Variants in DNAJC15 observed in about 807,000 individuals in gnomAD.
DNAJC15 encodes DnaJ heat shock protein family (Hsp40) member C15.
In DNAJC15, 27 loss-of-function variants were observed where a neutral mutation model predicts 22.4. The observed-to-expected ratio is 1.20, with a 90% CI of 0.89 to 1.66. DNAJC15 has a LOEUF of 1.66. Among genes scored for constraint, DNAJC15 ranks in the 40% most tolerant of loss-of-function variants. DNAJC15 has a pLI of 0.00. For missense variants in DNAJC15, 208 were observed against 187.1 expected, an observed-to-expected ratio of 1.11 and a Z score of -0.65; for synonymous variants, 79 against 63.2, an observed-to-expected ratio of 1.25 and a Z score of -1.19.
Position 43,100,315 on chromosome 13 carries a change from C to T in DNAJC15, c.383-6863C>T, listed in dbSNP as rs531161737. Among the ~76,000 whole-genome samples the T allele has an allele frequency of 6.6e-5, 10 of 150,986 alleles. No homozygotes were observed. In the South Asian group the frequency reaches 1.9e-3, roughly 29 times the overall value. ...CTTGACCTCCTGGGCTTAAGTGATC[C>T]TTCCACCTTAGCCTCCTGAGTAGCT... On this transcript the variant is annotated intron_variant, in intron 5 of 5. Coordinates refer to ENST00000379221, the MANE Select transcript of DNAJC15 (RefSeq NM_013238.3).
intron 3 of DNAJC15, among the ~76,000 whole-genome samples, chr13:43,078,281 C>T (rs1195242581): frequency 1.3e-5 from 2 of 152,168 alleles, no homozygotes; most frequent in Non-Finnish European, 1.5e-5. Context: ...CATTAAATGA[C>T]TTCATCAAGG....
intron 1 of DNAJC15, among the ~76,000 whole-genome samples, chr13:43,024,780 A>T (rs753084458): frequency 1.3e-5 from 2 of 151,616 alleles, no homozygotes; most frequent in Non-Finnish European, 2.9e-5. Context: ...AATATTGCCC[A>T]AGTGGTGGTT....
At chr13:43,083,049 ATAT>A (rs2040670552) in intron 4 of DNAJC15, among the ~76,000 whole-genome samples, 1 of 152,082 alleles carries the variant, frequency 6.6e-6, no homozygotes, top group Admixed American at 6.5e-5. Flanking sequence ...ATCCTTTATA[ATAT>A]TAGTATTTAC....
intron 1 of DNAJC15, among the ~76,000 whole-genome samples, chr13:43,029,342 CT>C (rs1023452335): frequency 3.9e-5 from 6 of 152,198 alleles, no homozygotes; most frequent in Admixed American, 2.0e-4. Context: ...AGGAAGAATA[CT>C]TTTTTTCTTC....
At chr13:43,057,508 T>C (rs528227563) in intron 1 of DNAJC15, among the ~76,000 whole-genome samples, 67 of 152,320 alleles carry the variant, frequency 4.4e-4, no homozygotes, top group African/African-American at 1.6e-3. Context: ...TATACTGTAT[T>C]ATATTTTAAA....
chr13:43,082,252 C>T (rs1177254185), intron 4 of DNAJC15, among the ~76,000 whole-genome samples: 1 of 151,876 alleles, frequency 6.6e-6, no homozygotes, highest in Non-Finnish European at 1.5e-5. Flanking sequence ...TCCACATACC[C>T]CCACTGCCAG....
chr13:43,066,527 C>G (rs1392895402), intron 2 of DNAJC15, among the ~76,000 whole-genome samples: 3 of 152,216 alleles, frequency 2.0e-5, no homozygotes, highest in Non-Finnish European at 4.4e-5. Context: ...CTAATCACAT[C>G]TGCAAAGTCA....
intron 1 of DNAJC15, among the ~76,000 whole-genome samples, chr13:43,058,803 T>C (rs1186151492): frequency 6.6e-6 from 1 of 152,194 alleles, no homozygotes; most frequent in Non-Finnish European, 1.5e-5. Flanking sequence ...GGAGTGCTTA[T>C]AGGGCTCTTC....
intron 1 of DNAJC15, among the ~76,000 whole-genome samples, chr13:43,064,372 T>C (rs922353271): frequency 1.3e-5 from 2 of 152,234 alleles, no homozygotes; most frequent in African/African-American, 2.4e-5. Flanking sequence ...TGCCAATGGC[T>C]GAATGGCTTT....
At chr13:43,084,869 T>C (rs2040679837) in intron 4 of DNAJC15, among the ~76,000 whole-genome samples, 1 of 152,352 alleles carries the variant, frequency 6.6e-6, no homozygotes, top group East Asian at 1.9e-4. Context: ...ATAAAGAGTT[T>C]TGAGATCCTC....
In DNAJC15 at chr13:43,112,466, C is replaced by A. The variant is rs1433682816; in HGVS notation, c.*5218C>A. ...AGTATCTCAACTTAGCAGGGGGGAT[C>A]AACAGTGGCAAACTTCAATTATGAC... On this transcript the variant is annotated 3_prime_UTR_variant, in exon 6 of 6. Transcript: ENST00000379221. 6 of 152,120 alleles carry A rather than the reference C, an allele frequency of 3.9e-5. No homozygotes were observed. The highest frequency in any genetic ancestry group is 1.4e-4 in the African/African-American group (6 of 41,414). 9.4% of individuals were successfully genotyped at this position (152,120 alleles called of 1,614,324 possible). A position where few individuals can be genotyped will look rare whatever the true frequency, so the allele number is the denominator to read the frequency against.
Position 43,082,855 on chromosome 13 carries a change from T to C in DNAJC15, c.312-2913T>C, listed in dbSNP as rs934659780. On this transcript the variant is annotated intron_variant, in intron 4 of 5. Transcript: ENST00000379221. ...AGCAGAACATTCACCTATATATATA[T>C]ATATACACACATATATGTGCGTATG... 2.0e-5 allele frequency among the ~76,000 whole-genome samples: 3 copies of C among 147,118 alleles called. No individual in the cohort carries two copies. In the East Asian group the frequency reaches 6.0e-4, roughly 29 times the overall value.
At chr13:43,059,475 C>T (rs2040547414) in intron 1 of DNAJC15, among the ~76,000 whole-genome samples, 1 of 152,108 alleles carries the variant, frequency 6.6e-6, no homozygotes, top group Non-Finnish European at 1.5e-5. Context: ...AGCGATTCTC[C>T]TGTCTCAACC....
chr13:43,039,894 C>G (rs536315646), intron 1 of DNAJC15, among the ~76,000 whole-genome samples: 7 of 152,202 alleles, frequency 4.6e-5, no homozygotes, highest in Admixed American at 1.3e-4. Context: ...TGGCGTGTAC[C>G]TGTAGTCCCA....
chr13:43,026,403 A>AATT (rs1423156845), intron 1 of DNAJC15, among the ~76,000 whole-genome samples: 8 of 152,042 alleles, frequency 5.3e-5, no homozygotes, highest in Admixed American at 3.3e-4. Flanking sequence ...TCCACCAAAT[A>AATT]CCCTCCCTTC....
At chr13:43,070,530 G>A (rs2040603792) in intron 3 of DNAJC15, among the ~76,000 whole-genome samples, 1 of 152,068 alleles carries the variant, frequency 6.6e-6, no homozygotes. Flanking sequence ...ATCAGGGTAA[G>A]AGGTTAAAGA....
chr13:43,038,801 G>GA (rs562632739), intron 1 of DNAJC15, among the ~76,000 whole-genome samples: 2,903 of 107,250 alleles, frequency 0.027, 51 homozygotes, highest in Non-Finnish European at 0.04. Flanking sequence ...CAAAAAATAG[G>GA]AAAAAAAAAA....
chr13:43,041,046 G>A (rs981533325), intron 1 of DNAJC15, among the ~76,000 whole-genome samples: 2 of 152,168 alleles, frequency 1.3e-5, no homozygotes, highest in African/African-American at 2.4e-5. Flanking sequence ...GCAAAGAGGC[G>A]TTCCTTCCTC....
At chr13:43,059,106 G>A (rs766739168) in intron 1 of DNAJC15, among the ~76,000 whole-genome samples, 1 of 152,262 alleles carries the variant, frequency 6.6e-6, no homozygotes, top group South Asian at 2.1e-4. Context: ...GTTTCTGCAC[G>A]TCCGAGTGGG....
Sources: gnomAD v4.1 joint callset for allele counts (sites outside exome capture counted in the v4.1 genomes callset) on GRCh38, gnomAD v4.1.1 for gene constraint, MANE v1.5 for transcripts, NCBI Gene and HGNC (gene_info 2026-07-23, HGNC 2026-07-21) for gene names.